PCYT1B: variants seen among roughly 807,000 people sequenced by gnomAD.
PCYT1B encodes choline-phosphate cytidylyltransferase B.
Under a neutral mutation model 26.4 loss-of-function variants are expected in PCYT1B, and 10 were observed. The ratio of observed to expected loss-of-function variants is 0.38; its 90% CI spans 0.23 to 0.64. The LOEUF (loss-of-function observed/expected upper bound fraction) is 0.64. PCYT1B is among the 30% of genes least tolerant of loss of function. The probability of loss-of-function intolerance (pLI) is 0.56; values close to 1 mark genes in which losing one functional copy is unlikely to be tolerated. For synonymous variants in PCYT1B, 131 were observed against 108.4 expected (o/e 1.21, Z -1.29); for missense variants, 161 against 292.7 (o/e 0.55, Z 3.28).
chrX:24,588,445 G>A (rs957659714), intron 4 of PCYT1B, among the ~76,000 whole-genome samples: 8 of 111,459 alleles, frequency 7.2e-5, no homozygotes, highest in African/African-American at 2.3e-4. Flanking sequence ...AACACTCCTT[G>A]CCTAGATTTT....
intron 7 of PCYT1B, among the ~76,000 whole-genome samples, chrX:24,565,437 T>C (rs1420914032): frequency 9.0e-6 from 1 of 110,565 alleles, no homozygotes; most frequent in Non-Finnish European, 1.9e-5. Flanking sequence ...AGCTGGGTCT[T>C]TGATAATGCC....
At chrX:24,563,960 T>C (rs1923526199) in intron 7 of PCYT1B, among the ~76,000 whole-genome samples, 2 of 110,944 alleles carry the variant, frequency 1.8e-5, no homozygotes, top group South Asian at 7.8e-4. Flanking sequence ...GTCGGGCAGA[T>C]CATTTGAGGT....
chrX:24,564,230 C>T (rs930837902), intron 7 of PCYT1B, among the ~76,000 whole-genome samples: 1 of 110,209 alleles, frequency 9.1e-6, no homozygotes, highest in Non-Finnish European at 1.9e-5. Context: ...TGGCCCGGCC[C>T]GGGATGATGG....
At chrX:24,563,730 G>A (rs188695265) in intron 7 of PCYT1B, among the ~76,000 whole-genome samples, 15 of 111,614 alleles carry the variant, frequency 1.3e-4, no homozygotes, top group Non-Finnish European at 2.5e-4. Context: ...GCAGTTTCAC[G>A]TACAGTCTCC....
chrX:24,569,787 G>A (rs751814696), intron 7 of PCYT1B, among the ~76,000 whole-genome samples: 1 of 112,117 alleles, frequency 8.9e-6, no homozygotes, highest in African/African-American at 3.2e-5. Flanking sequence ...AATGGTTACA[G>A]TTTCTGTTTG....
chrX:24,637,282 T>C (rs1926301687), intron 1 of PCYT1B, among the ~76,000 whole-genome samples: 1 of 106,565 alleles, frequency 9.4e-6, no homozygotes, highest in South Asian at 4.3e-4. Flanking sequence ...GAACTATGTG[T>C]CATGGAAATA....
chrX:24,570,595 C>T (rs1228940224), intron 7 of PCYT1B, among the ~76,000 whole-genome samples: 1 of 111,066 alleles, frequency 9.0e-6, no homozygotes, highest in Non-Finnish European at 1.9e-5. Flanking sequence ...AAGACCGAGT[C>T]AGAACCATCC....
At chrX:24,632,203 T>G (rs1340951234) in intron 1 of PCYT1B, 3 of 112,654 alleles carry the variant, frequency 2.7e-5, no homozygotes, top group African/African-American at 9.7e-5. Context: ...GTGGTGGTGT[T>G]GAAGTGGCTT....
chrX:24,637,491 A>AATAT (rs1555963533), intron 1 of PCYT1B, among the ~76,000 whole-genome samples: 3 of 52,893 alleles, frequency 5.7e-5, no homozygotes, highest in Non-Finnish European at 8.6e-5. Context: ...AAAAAAAAAA[A>AATAT]ATATATATAT....
intron 3 of PCYT1B, among the ~76,000 whole-genome samples, chrX:24,595,860 G>A (rs1188450595): frequency 4.8e-5 from 5 of 104,480 alleles, no homozygotes; most frequent in Non-Finnish European, 9.7e-5. Context: ...CAGTCTGGGC[G>A]AGAGAGTGAG....
chrX:24,609,048 C>T (rs186183061), intron 2 of PCYT1B, among the ~76,000 whole-genome samples: 325 of 112,015 alleles, frequency 2.9e-3, no homozygotes, highest in African/African-American at 0.01. Context: ...TATCAAAGTG[C>T]TCTCATTCTA....
chrX:24,621,592 T>C (rs1295982623), intron 1 of PCYT1B, among the ~76,000 whole-genome samples: 1 of 111,298 alleles, frequency 9.0e-6, no homozygotes, highest in Non-Finnish European at 1.9e-5. Context: ...TTCTCCTGCC[T>C]CAGCCTCCCA....
At chrX:24,579,960 A>T (rs1924154449) in intron 5 of PCYT1B, among the ~76,000 whole-genome samples, 1 of 111,984 alleles carries the variant, frequency 8.9e-6, no homozygotes, top group South Asian at 3.8e-4. Flanking sequence ...AGACCATTTG[A>T]GTCCAGGAGT....
chrX:24,647,070 T>C lies in PCYT1B; in HGVS notation c.36A>G (p.Thr12=). 4 of 1,210,140 alleles carry C rather than the reference T, an allele frequency of 3.3e-6. No homozygotes were observed. The highest frequency in any genetic ancestry group is 4.5e-6 in the Non-Finnish European group (4 of 893,901). Residue 12 remains threonine (T), a synonymous_variant, in exon 1 of 8, where the codon ACA becomes ACG. Transcript: ENST00000379144. ...PVVTTDAESE[T]GIPKSLSNEP... ...CATTGGAAAGGGATTTTGGGATACC[T>C]GTTTCTGACTCAGCATCAGTGGTAA... is the stretch of plus-strand genomic sequence containing the variant.
Position 24,562,060 on chromosome X carries a change from G to A in PCYT1B, c.*233C>T, listed in dbSNP as rs768372435. On this transcript the variant is annotated 3_prime_UTR_variant, in exon 8 of 8. Transcript: ENST00000379144. ...TAGCAAGGTTAGAGTGACTCTAGACGCTAAGGTTTGTGTAGGTTGTCCAGC... is the reference window on the plus strand; with the variant it reads ...TAGCAAGGTTAGAGTGACTCTAGACACTAAGGTTTGTGTAGGTTGTCCAGC... The A allele has an allele frequency of 6.7e-6, 8 of 1,199,242 alleles. No individual in the cohort carries two copies. Among genetic ancestry groups the A allele is most frequent in the Admixed American group, 4.4e-5 (2 of 45,959 alleles).
chrX:24,664,791 C>T (rs1255534450), intron 1 of PCYT1B, among the ~76,000 whole-genome samples: 1 of 111,527 alleles, frequency 9.0e-6, no homozygotes, highest in Non-Finnish European at 1.9e-5. Context: ...AACTCCATCT[C>T]CGCTAAACAT....
intron 2 of PCYT1B, among the ~76,000 whole-genome samples, chrX:24,612,124 G>A (rs1012838314): frequency 8.9e-6 from 1 of 112,898 alleles, no homozygotes; most frequent in African/African-American, 3.2e-5. Flanking sequence ...GGACCTGCAG[G>A]TGGCCTCTAG....
chrX:24,608,549 T>C (rs895813516), intron 2 of PCYT1B, among the ~76,000 whole-genome samples: 2 of 111,708 alleles, frequency 1.8e-5, no homozygotes, highest in African/African-American at 6.5e-5. Context: ...TAATGTTGCA[T>C]GTAGAAGTGG....
rs1357191863 is a variant in PCYT1B at position 24,593,357 on chromosome X, C to CG, written c.335-3184_335-3183insC. On this transcript the variant is annotated intron_variant, in intron 3 of 7. Coordinates refer to ENST00000379144, the MANE Select transcript of PCYT1B (RefSeq NM_004845.5). ...TCTTTCTTTCTTTCTTTGTTTCTTT[C>CG]TTTCTTTCGTTTCTTTCTTTCTCTC... 1.4e-4 allele frequency among the ~76,000 whole-genome samples: 15 copies of CG among 108,346 alleles called. No individual in the cohort carries two copies. The East Asian group carries it at 4.0e-3, about 29-fold the overall frequency. The allele number at this position is 108,346 out of a possible 115,157, so 94.1% of individuals were successfully genotyped here.
Sources: gnomAD v4.1 joint callset for allele counts (sites outside exome capture counted in the v4.1 genomes callset) on GRCh38, gnomAD v4.1.1 for gene constraint, MANE v1.5 for transcripts, NCBI Gene and HGNC (gene_info 2026-07-23, HGNC 2026-07-21) for gene names.